MPRIP: variants seen among roughly 807,000 people sequenced by gnomAD.
The protein encoded by MPRIP is myosin phosphatase Rho interacting protein.
In MPRIP, 59 loss-of-function variants were observed where a neutral mutation model predicts 234.9. The observed-to-expected ratio is 0.25, with a 90% confidence interval of 0.20 to 0.31. MPRIP has a LOEUF of 0.31. MPRIP is among the 10% of genes least tolerant of loss of function. The pLI is 1.00. For synonymous variants in MPRIP, 1,144 were observed against 1,263.9 expected (o/e 0.91, Z 2.01); for missense variants, 2,436 against 3,071.0 (o/e 0.79, Z 4.89).
chr17:17,044,387 G>A (rs1299484889), intron 1 of MPRIP, among the ~76,000 whole-genome samples: 1 of 152,172 alleles, frequency 6.6e-6, no homozygotes, highest in African/African-American at 2.4e-5. Context: ...GGTCTTGGCT[G>A]TCACTTCCAG....
chr17:17,104,989 G>A (rs2090035544), intron 3 of MPRIP, among the ~76,000 whole-genome samples: 2 of 152,170 alleles, frequency 1.3e-5, no homozygotes, highest in African/African-American at 4.8e-5. Flanking sequence ...GCTTCCAGGT[G>A]CTTTGGTAGA....
intron 3 of MPRIP, among the ~76,000 whole-genome samples, chr17:17,087,037 CTTG>C (rs1360388972): frequency 6.6e-6 from 1 of 152,188 alleles, no homozygotes. Flanking sequence ...TGGGAGCTTT[CTTG>C]TTGTTTGCAC....
intron 1 of MPRIP, among the ~76,000 whole-genome samples, chr17:17,075,100 T>C (rs1486524183): frequency 6.6e-6 from 1 of 152,204 alleles, no homozygotes; most frequent in Non-Finnish European, 1.5e-5. Flanking sequence ...TACATCCCTG[T>C]GCTGGGTTTT....
At chr17:17,148,830 A>G (rs2045534280) in intron 11 of MPRIP, among the ~76,000 whole-genome samples, 1 of 152,228 alleles carries the variant, frequency 6.6e-6, no homozygotes, top group Non-Finnish European at 1.5e-5. Flanking sequence ...TCCTCTAAGG[A>G]AAACAACTGA....
chr17:17,117,963 A>G (rs1567726544), intron 3 of MPRIP, among the ~76,000 whole-genome samples: 1 of 152,356 alleles, frequency 6.6e-6, no homozygotes, highest in South Asian at 2.1e-4. Flanking sequence ...CTCTGAAAAC[A>G]GATTGCTTAG....
intron 11 of MPRIP, among the ~76,000 whole-genome samples, chr17:17,149,352 G>A (rs966310550): frequency 3.3e-5 from 5 of 152,202 alleles, no homozygotes; most frequent in Admixed American, 1.3e-4. Context: ...AATTAGCTGG[G>A]CTTGGTGGTG....
intron 8 of MPRIP, 122 bp downstream of exon 8, chr17:17,142,887 C>T (rs1425425693): frequency 6.3e-6 from 7 of 1,117,472 alleles, no homozygotes; most frequent in East Asian, 2.6e-5. Flanking sequence ...TCTCTCCAAC[C>T]ACCTCCTCTG....
intron 1 of MPRIP, among the ~76,000 whole-genome samples, chr17:17,057,059 T>A (rs2088721914): frequency 6.6e-6 from 1 of 152,234 alleles, no homozygotes; most frequent in Non-Finnish European, 1.5e-5. Context: ...TCTGAACACC[T>A]CCTTTCAGCG....
chr17:17,181,617 G>A (rs921126041), intron 23 of MPRIP: 1 of 152,144 alleles, frequency 6.6e-6, no homozygotes, highest in Non-Finnish European at 1.5e-5. Context: ...TTTGGTTCAC[G>A]GTTTTCTTAC....
Position 17,177,343 on chromosome 17 carries a change from G to A in MPRIP, c.7051G>A (p.Glu2351Lys). 1 of 1,613,966 alleles carries A rather than the reference G, an allele frequency of 6.2e-7. No homozygotes were observed. Among genetic ancestry groups the A allele is most frequent in the Non-Finnish European group, 8.5e-7 (1 of 1,180,050 alleles). ...KADCDISRLK[E>K]QLKAATEALG... ...TGACTGTGACATCAGCAGGTTGAAG[G>A]AGCAGCTCAAGGCTGCAACGGAAGC... is the stretch of plus-strand genomic sequence containing the variant. Residue 2351 changes from glutamate to lysine, a missense_variant, in exon 22 of 24, where the codon GAG becomes AAG. Physicochemically the swap from Glu to Lys is moderately conservative, Grantham distance 56. Coordinates refer to ENST00000651222, the MANE Select transcript of MPRIP (RefSeq NM_001364716.4).
chr17:17,071,311 T>C (rs1407244730), intron 1 of MPRIP, among the ~76,000 whole-genome samples: 1 of 151,040 alleles, frequency 6.6e-6, no homozygotes, highest in African/African-American at 2.5e-5. Context: ...AAAGTAGCTT[T>C]TTGTTGTTGT....
At chr17:17,061,970 CA>C (rs2088881297) in intron 1 of MPRIP, among the ~76,000 whole-genome samples, 1 of 151,446 alleles carries the variant, frequency 6.6e-6, no homozygotes, top group South Asian at 2.1e-4. Flanking sequence ...CTGACATGAT[CA>C]TTTTTTTTTT....
In MPRIP at chr17:17,166,618, C is replaced by T. The variant is rs2046003139; in HGVS notation, c.5027C>T (p.Thr1676Ile). The T allele has an allele frequency of 1.5e-6, 2 of 1,303,938 alleles. No individual in the cohort carries two copies. The highest frequency in any genetic ancestry group is 2.0e-6 in the Non-Finnish European group (2 of 988,886). The allele number at this position is 1,303,938 out of a possible 1,614,324, so 80.8% of individuals were successfully genotyped here. Residue 1676 changes from threonine (T) to isoleucine (I), a missense_variant, in exon 16 of 24, where the codon ACA becomes ATA. This residue lies in a region of MPRIP where 1,998 missense variants were observed against 2,520.3 expected (regional missense o/e 0.79). Transcript: ENST00000651222. The surrounding 1 kb of genome is among the most constrained non-coding windows in gnomAD (Gnocchi z 4.4). ...GTCAGGGCAGAGCTCAGCTTTGCCA[C>T]ACAGTCAGTGAGGGAGTCGTTCCAC... Reference protein sequence around the residue: ...TWVRAELSFATQSVRESFHRR... With the variant: ...TWVRAELSFAIQSVRESFHRR...
chr17:17,122,380 A>G (rs1356325496), intron 3 of MPRIP, among the ~76,000 whole-genome samples: 2 of 151,884 alleles, frequency 1.3e-5, no homozygotes, highest in Non-Finnish European at 2.9e-5. Flanking sequence ...TTGAGATGGA[A>G]TCTCGCTCCA....
intron 5 of MPRIP, among the ~76,000 whole-genome samples, chr17:17,133,686 G>A (rs551702291): frequency 3.9e-5 from 6 of 152,304 alleles, no homozygotes; most frequent in African/African-American, 1.2e-4. Context: ...CTTCTGGAAG[G>A]TTCTGCTTCC....
At chr17:17,151,521 A>G (rs2045602423) in intron 12 of MPRIP, among the ~76,000 whole-genome samples, 2 of 152,168 alleles carry the variant, frequency 1.3e-5, no homozygotes, top group African/African-American at 4.8e-5. Context: ...TGTTGTCCTC[A>G]TAGTTGAACT....
intron 3 of MPRIP, among the ~76,000 whole-genome samples, chr17:17,119,854 C>A (rs1388009890): frequency 4.6e-5 from 7 of 152,174 alleles, no homozygotes; most frequent in Admixed American, 4.6e-4. Flanking sequence ...TACTGACTCA[C>A]CGTTTTCCAT....
chr17:17,181,205 T>TG (rs397857049), intron 23 of MPRIP, among the ~76,000 whole-genome samples: 131 of 152,164 alleles, frequency 8.6e-4, no homozygotes, highest in African/African-American at 3.1e-3. Context: ...TTTTTTTTTT[T>TG]AATAAAACAA....
intron 3 of MPRIP, among the ~76,000 whole-genome samples, chr17:17,088,557 G>C (rs537377891): frequency 6.6e-6 from 1 of 152,306 alleles, no homozygotes; most frequent in African/African-American, 2.4e-5. Context: ...TCACGTGTTT[G>C]TGCAGTGCTC....
Sources: gnomAD v4.1 joint callset for allele counts (sites outside exome capture counted in the v4.1 genomes callset) on GRCh38, gnomAD v4.1.1 for gene constraint, gnomAD v4.1.1 regional missense constraint, Gnocchi (gnomAD v3.1) non-coding constraint, MANE v1.5 for transcripts, NCBI Gene and HGNC (gene_info 2026-07-23, HGNC 2026-07-21) for gene names.